NAV1: variants seen among roughly 807,000 people sequenced by gnomAD.
NAV1 encodes the protein neuron navigator 1.
In NAV1, 18 loss-of-function variants were observed where a neutral mutation model predicts 175.2. The observed-to-expected ratio is 0.10, with a 90% CI of 0.07 to 0.15. NAV1 has a LOEUF of 0.15. Ranked by LOEUF, NAV1 falls within the 10% of genes least tolerant of loss-of-function variation. The pLI is 1.00. For synonymous variants in NAV1, 897 were observed against 978.7 expected (o/e 0.92, Z 1.56); for missense variants, 1,731 against 2,436.6 (o/e 0.71, Z 6.10).
chr1:201,819,826 C>T lies in NAV1; in HGVS notation c.5539-11C>T. On this transcript the variant is annotated splice_polypyrimidine_tract_variant and intron_variant, in intron 29 of 29. Coordinates refer to ENST00000367296, the Ensembl canonical transcript of NAV1. ...CAACTCTCATAAATCCATCTTTTTG[C>T]CCCCCTTTAGATGGCCATGCTGCTG... 6.2e-7 allele frequency: 1 copy of T among 1,612,656 alleles called. No homozygotes were observed. Among genetic ancestry groups the T allele is most frequent in the Non-Finnish European group, 8.5e-7 (1 of 1,178,834 alleles).
At chr1:201,591,194 G>C (rs893320603) in intron 2 of NAV1, among the ~76,000 whole-genome samples, 3 of 152,100 alleles carry the variant, frequency 2.0e-5, no homozygotes, top group Admixed American at 6.5e-5. Flanking sequence ...GTAAAACAAC[G>C]GTATTGGAGT....
intron 2 of NAV1, among the ~76,000 whole-genome samples, chr1:201,590,378 G>T (rs942917009): frequency 5.3e-5 from 8 of 152,208 alleles, no homozygotes; most frequent in African/African-American, 1.9e-4. Context: ...TCCCCAGCTA[G>T]GTAGTTCCTG....
intron 1 of NAV1, among the ~76,000 whole-genome samples, chr1:201,701,904 A>G (rs1307748480): frequency 6.6e-6 from 1 of 152,262 alleles, no homozygotes; most frequent in African/African-American, 2.4e-5. Flanking sequence ...AAATGAAAAC[A>G]TGCATCCATA....
At chr1:201,712,702 A>G (rs754956416) in intron 1 of NAV1, 115 bp from the exon 6 acceptor site, 18 of 726,776 alleles carry the variant, frequency 2.5e-5, no homozygotes, top group South Asian at 7.8e-5. Flanking sequence ...GAAGGTGACT[A>G]TCATGGCCCA....
upstream of NAV1, among the ~76,000 whole-genome samples, chr1:201,621,168 G>A (rs1042924875): frequency 2.6e-5 from 4 of 151,360 alleles, no homozygotes; most frequent in Admixed American, 6.6e-5. Context: ...GATCCTCCCC[G>A]CTCGGCCTCC....
At chr1:201,680,400 GGAGGCT>G (rs1171265846) in intron 1 of NAV1, among the ~76,000 whole-genome samples, 2 of 152,078 alleles carry the variant, frequency 1.3e-5, no homozygotes, top group African/African-American at 4.8e-5. Context: ...CAGCTACTCG[GGAGGCT>G]GAGGCAGGAG....
chr1:201,794,893 G>T lies in NAV1; in HGVS notation c.3517+316G>T, dbSNP rs142691462. On this transcript the variant is annotated intron_variant, in intron 15 of 29. Transcript: ENST00000367296. ...GCCCTTTACATTTTTATGCAAATGT[G>T]TTGTGTGTCCACACACACACAAACA... 362 of 282,658 alleles carry T rather than the reference G, an allele frequency of 1.3e-3. 2 individuals carry two copies. The highest frequency in any genetic ancestry group is 2.1e-3 in the Admixed American group (43 of 20,958). The allele number at this position is 282,658 out of a possible 1,614,324, so 17.5% of individuals were successfully genotyped here. A position where few individuals can be genotyped will look rare whatever the true frequency, so the allele number is the denominator to read the frequency against.
intron 29 of NAV1, 28 bp downstream of exon 33, chr1:201,817,313 A>G (rs1218291214): frequency 2.5e-6 from 4 of 1,606,350 alleles, no homozygotes; most frequent in Non-Finnish European, 3.4e-6. Context: ...TAGAGTAAAA[A>G]TAAGACTATT....
intron 1 of NAV1, among the ~76,000 whole-genome samples, chr1:201,580,905 G>A (rs926979043): frequency 2.0e-5 from 3 of 152,196 alleles, no homozygotes; most frequent in African/African-American, 4.8e-5. Context: ...AACTTTGAAA[G>A]ATAAATGGAT....
intron 1 of NAV1, among the ~76,000 whole-genome samples, chr1:201,652,027 A>T (rs1669224155): frequency 6.6e-6 from 1 of 151,966 alleles, no homozygotes; most frequent in Admixed American, 6.6e-5. Context: ...CTACAGAGGG[A>T]ATTCGTCTTC....
chr1:201,793,628 T>G, intron 13 of NAV1, 164 bp from the exon 18 acceptor site: 1 of 630,292 alleles, frequency 1.6e-6, no homozygotes, highest in South Asian at 2.0e-5. Context: ...TGATTTCCCC[T>G]TTGTCTGCTC....
In NAV1 at chr1:201,545,360, CT is replaced by C. The variant is rs889765521; in HGVS notation, c.-144+6029del. On this transcript the variant is annotated intron_variant, in intron 1 of 33. Coordinates refer to the NAV1 transcript ENST00000685211. Reference sequence around the variant, plus strand: ...TGCCAGATTTAATCTTTTTTCTTTTCTTTTTTTTTTTAATTAATTTATTTAT... The same window carrying C: ...TGCCAGATTTAATCTTTTTTCTTTTCTTTTTTTTTTAATTAATTTATTTAT... 1.2e-3 allele frequency among the ~76,000 whole-genome samples: 176 copies of C among 149,398 alleles called. 2 individuals carry two copies. The highest frequency in any genetic ancestry group is 2.2e-3 in the African/African-American group (91 of 40,934).
rs747143989 is a variant in NAV1 at position 201,786,568 on chromosome 1, A to G, written c.2986A>G (p.Thr996Ala). ...GTCTCTGAGTGCAAAGGGCCAACTT[A>G]CCAACATAGGTTAGTGTTTTCAGTC... The change falls in exon 9 of 30, where the codon ACC becomes GCC. Residue 996 changes from threonine (T) to alanine (A), a missense_variant. By Grantham distance (58) the Thr-to-Ala change is moderately conservative. Around this residue, in one of 13 missense-constraint regions of NAV1, gnomAD observed 634 missense variants for 766.8 expected, o/e 0.83. Transcript: ENST00000367296. 4 of 1,612,954 alleles carry G rather than the reference A, an allele frequency of 2.5e-6. No homozygotes were observed. The East Asian group carries it at 6.7e-5, about 27-fold the overall frequency.
intron 1 of NAV1, among the ~76,000 whole-genome samples, chr1:201,695,711 G>C (rs1410355760): frequency 6.6e-6 from 1 of 152,214 alleles, no homozygotes; most frequent in Non-Finnish European, 1.5e-5. Flanking sequence ...CTGAGAGAAG[G>C]CCTGGCTGCC....
intron 7 of NAV1, among the ~76,000 whole-genome samples, chr1:201,784,346 C>A (rs1310097089): frequency 6.6e-6 from 1 of 152,058 alleles, no homozygotes; most frequent in African/African-American, 2.4e-5. Flanking sequence ...TTAGTAGAGA[C>A]CAGGTTTCAC....
chr1:201,585,159 C>T (rs1417521154), intron 1 of NAV1, among the ~76,000 whole-genome samples: 1 of 152,226 alleles, frequency 6.6e-6, no homozygotes, highest in Admixed American at 6.5e-5. Context: ...AAGTCAGGCA[C>T]TGGGCTGGAT....
chr1:201,819,238 C>T (rs1212396644), intron 29 of NAV1, among the ~76,000 whole-genome samples: 1 of 152,174 alleles, frequency 6.6e-6, no homozygotes, highest in Non-Finnish European at 1.5e-5. Flanking sequence ...TCCTGGAGTG[C>T]AAGCACCCTG....
Position 201,787,768 on chromosome 1 carries a change from G to T in NAV1, c.2996-700G>T, listed in dbSNP as rs1676858140. The T allele has an allele frequency of 4.4e-6, 2 of 454,416 alleles. No homozygotes were observed. The highest frequency in any genetic ancestry group is 8.8e-6 in the Non-Finnish European group (2 of 226,210). The allele number at this position is 454,416 out of a possible 1,614,324, so 28.1% of individuals were successfully genotyped here. ...CTGTAATCCCAGCAATGGGCAAAGG[G>T]GTAAGGCATCTGCAGGTTAACGGGA... On this transcript the variant is annotated intron_variant, in intron 9 of 29. Coordinates refer to ENST00000367296, the Ensembl canonical transcript of NAV1. This position sits in a 1 kb window ranked among gnomAD's most constrained non-coding sequence, Gnocchi z 4.3.
intron 3 of NAV1, among the ~76,000 whole-genome samples, chr1:201,760,868 G>A (rs1296085953): frequency 6.6e-6 from 1 of 152,148 alleles, no homozygotes; most frequent in African/African-American, 2.4e-5. Context: ...ATGGTACCAT[G>A]TAGTTCAGTA....
Sources: allele counts gnomAD v4.1 joint callset (sites outside exome capture counted in the v4.1 genomes callset), GRCh38; gene constraint gnomAD v4.1.1; regional missense constraint gnomAD v4.1.1; non-coding constraint Gnocchi (gnomAD v3.1); transcripts MANE v1.5; gene names NCBI Gene and HGNC (gene_info 2026-07-23, HGNC 2026-07-21).